STK24: variants seen among roughly 807,000 people sequenced by gnomAD.
STK24 encodes the protein serine/threonine-protein kinase 24.
Under a neutral mutation model 55.6 loss-of-function variants are expected in STK24, and 21 were observed. That is an observed-to-expected ratio of 0.38 (90% CI 0.27 to 0.54). STK24 has a LOEUF of 0.54. STK24 is among the 20% of genes least tolerant of loss of function. The probability of loss-of-function intolerance (pLI) is 0.79; values close to 1 mark genes in which losing one functional copy is unlikely to be tolerated. For synonymous variants in STK24, 200 were observed against 215.2 expected (o/e 0.93, Z 0.62); for missense variants, 383 against 538.4 (o/e 0.71, Z 2.86).
At chr13:98,569,364 G>A (rs1302038011) in intron 1 of STK24, among the ~76,000 whole-genome samples, 1 of 149,112 alleles carries the variant, frequency 6.7e-6, no homozygotes, top group Non-Finnish European at 1.5e-5. Context: ...CGCACTATAT[G>A]CCCAACCAAC....
At chr13:98,554,759 A>G (rs993150562) in intron 1 of STK24, among the ~76,000 whole-genome samples, 1 of 152,248 alleles carries the variant, frequency 6.6e-6, no homozygotes, top group Non-Finnish European at 1.5e-5. Context: ...TCACACCTAT[A>G]ATCCCAGCAC....
At chr13:98,548,331 C>T (rs1335797464) in intron 1 of STK24, among the ~76,000 whole-genome samples, 3 of 152,162 alleles carry the variant, frequency 2.0e-5, no homozygotes, top group African/African-American at 7.2e-5. Context: ...ATGGTGTGAC[C>T]TGCAGCCTCA....
At chr13:98,573,422 ATTTC>A (rs1224191544) in intron 1 of STK24, among the ~76,000 whole-genome samples, 3 of 152,120 alleles carry the variant, frequency 2.0e-5, no homozygotes, top group African/African-American at 4.8e-5. Flanking sequence ...GATCAGCCTG[ATTTC>A]TTTATGTTTA....
At chr13:98,467,668 G>C (rs770517245) in intron 5 of STK24, among the ~76,000 whole-genome samples, 1 of 152,094 alleles carries the variant, frequency 6.6e-6, no homozygotes, top group Non-Finnish European at 1.5e-5. Context: ...AAGCCGTGTG[G>C]CCCCACTAGG....
intron 5 of STK24, among the ~76,000 whole-genome samples, chr13:98,471,296 A>T (rs557741846): frequency 6.6e-6 from 1 of 152,116 alleles, no homozygotes; most frequent in Non-Finnish European, 1.5e-5. Context: ...TTTTCCATCA[A>T]TGCATCACCA....
At chr13:98,573,477 T>TC (rs1235003276) in intron 1 of STK24, among the ~76,000 whole-genome samples, 1 of 152,296 alleles carries the variant, frequency 6.6e-6, no homozygotes, top group South Asian at 2.1e-4. Context: ...TCTATTTTTT[T>TC]CCCCTACTGA....
In STK24 at chr13:98,475,273, T is replaced by C; in HGVS notation, c.416A>G (p.Lys139Arg). ...LKGLDYLHSE[K>R]KIHRDIKAAN... is the part of the protein sequence containing the mutation. ...ACCTTTAATGTCTCTGTGGATTTTC[T>C]TCTCCGAATGGAGATAATCGAGTCC... The change falls in exon 4 of 11, where the codon AAG becomes AGG. Residue 139 changes from lysine (K) to arginine (R), a missense_variant. Lys to Arg is a conservative substitution (Grantham distance 26). Transcript: ENST00000539966. The C allele has an allele frequency of 6.2e-7, 1 of 1,612,024 alleles. No individual in the cohort carries two copies. The highest frequency in any genetic ancestry group is 8.5e-7 in the Non-Finnish European group (1 of 1,178,950).
rs374272971 is a variant in STK24 at position 98,453,223 on chromosome 13, G to C, written c.1260-14C>G. ...CTTAGAGAGTATCTAGGGAAAAAGA[G>C]AGAGAGAGAAGTCAACACATGTCAT... On this transcript the variant is annotated splice_polypyrimidine_tract_variant and intron_variant, in intron 10 of 10. Transcript: ENST00000539966. 35 of 1,611,314 alleles carry C rather than the reference G, an allele frequency of 2.2e-5. No individual in the cohort carries two copies. The highest frequency in any genetic ancestry group is 2.6e-5 in the Non-Finnish European group (31 of 1,178,890).
intron 2 of STK24, among the ~76,000 whole-genome samples, chr13:98,495,535 T>C (rs747284171): frequency 2.0e-5 from 3 of 152,242 alleles, no homozygotes; most frequent in African/African-American, 4.8e-5. Context: ...GAATTTCTTT[T>C]TGGAGAAGTA....
chr13:98,518,786 G>A (rs17574536), intron 2 of STK24, among the ~76,000 whole-genome samples: 28,424 of 152,124 alleles, frequency 0.19, 2,971 homozygotes, highest in Non-Finnish European at 0.24. Context: ...AAAGTCAAGC[G>A]TAGATAAGCT....
intron 1 of STK24, among the ~76,000 whole-genome samples, chr13:98,551,217 C>T (rs1327814691): frequency 6.6e-5 from 10 of 150,666 alleles, no homozygotes; most frequent in African/African-American, 2.0e-4. Flanking sequence ...ACCCGGGAGG[C>T]GGAGCTTGCA....
chr13:98,547,359 A>C (rs9517342), intron 1 of STK24, among the ~76,000 whole-genome samples: 29,678 of 152,056 alleles, frequency 0.2, 3,018 homozygotes, highest in South Asian at 0.27. Flanking sequence ...CCAGTCTGGG[A>C]AACATAATGA....
Position 98,576,819 on chromosome 13 carries a change from C to A in STK24, c.-33G>T. ...AGGACGGCCACTTCCTGGGACGGGACGGCCGGGCCGCGACGATCCGCGCGG... is the reference window on the plus strand; with the variant it reads ...AGGACGGCCACTTCCTGGGACGGGAAGGCCGGGCCGCGACGATCCGCGCGG... On this transcript the variant is annotated 5_prime_UTR_variant, in exon 1 of 11. Transcript: ENST00000539966. 2 of 1,251,124 alleles carry A rather than the reference C, an allele frequency of 1.6e-6. No homozygotes were observed. Among genetic ancestry groups the A allele is most frequent in the Non-Finnish European group, 2.0e-6 (2 of 994,114 alleles). 77.5% of individuals were successfully genotyped at this position (1,251,124 alleles called of 1,614,324 possible). A position where few individuals can be genotyped will look rare whatever the true frequency, so the allele number is the denominator to read the frequency against.
At chr13:98,539,430 C>T (rs975835372) in intron 1 of STK24, among the ~76,000 whole-genome samples, 5 of 152,188 alleles carry the variant, frequency 3.3e-5, no homozygotes, top group African/African-American at 1.2e-4. Context: ...ATCTTCAGTG[C>T]TCTCACAGCA....
rs1892895510 is a variant in STK24, at chr13:98,447,101, G to A, written c.*6072C>T. The A allele has an allele frequency of 2.7e-6, 1 of 364,656 alleles. No homozygotes were observed. 22.6% of individuals were successfully genotyped at this position (364,656 alleles called of 1,614,324 possible). A position where few individuals can be genotyped will look rare whatever the true frequency, so the allele number is the denominator to read the frequency against. On this transcript the variant is annotated 3_prime_UTR_variant, in exon 11 of 11. Transcript: ENST00000539966. ...AACGTGTCCGGGATGATGAAGCTAA[G>A]CCCCAGTGAGACTGCCTACATGGTG...
rs1416088326 is a variant in STK24 at position 98,513,906 on chromosome 13, T to C, written c.273+5337A>G. Among the ~76,000 whole-genome samples, 4 of 152,334 alleles carry C rather than the reference T, an allele frequency of 2.6e-5. No homozygotes were observed. The East Asian group carries it at 7.7e-4, about 29-fold the overall frequency. ...TCAGAAACTAACATAATAACCCATC[T>C]GAATTCCTAAGTATGCCTGAAGCCA... On this transcript the variant is annotated intron_variant, in intron 2 of 10. Transcript: ENST00000539966.
chr13:98,468,976 C>T (rs1449954690), intron 5 of STK24, among the ~76,000 whole-genome samples: 1 of 152,238 alleles, frequency 6.6e-6, no homozygotes, highest in African/African-American at 2.4e-5. Flanking sequence ...TAAACACACT[C>T]GGTGACTGGC....
At chr13:98,538,564 A>AC (rs1241326415) in intron 1 of STK24, among the ~76,000 whole-genome samples, 10 of 152,154 alleles carry the variant, frequency 6.6e-5, no homozygotes, top group African/African-American at 2.2e-4. Flanking sequence ...AGCTTACTGC[A>AC]CCTTCAACTG....
At chr13:98,527,806 G>A (rs1482099797) in intron 1 of STK24, among the ~76,000 whole-genome samples, 3 of 152,302 alleles carry the variant, frequency 2.0e-5, no homozygotes, top group Non-Finnish European at 4.4e-5. Context: ...AGACCAGAGG[G>A]GTTCAGAGGC....
Sources: gnomAD v4.1 joint callset for allele counts (sites outside exome capture counted in the v4.1 genomes callset) on GRCh38, gnomAD v4.1.1 for gene constraint, MANE v1.5 for transcripts, NCBI Gene and HGNC (gene_info 2026-07-23, HGNC 2026-07-21) for gene names.